Variants in NLE1 observed in about 807,000 individuals in gnomAD.
NLE1 encodes the protein notchless homolog 1.
In NLE1, 37 loss-of-function variants were observed where a neutral mutation model predicts 62.8. That is an observed-to-expected ratio of 0.59 (90% CI 0.45 to 0.78). NLE1 has a LOEUF of 0.78. Ranked by LOEUF, NLE1 falls within the 30% of genes least tolerant of loss-of-function variation. NLE1 has a pLI of 0.00. For synonymous variants in NLE1, 243 were observed against 253.0 expected, an observed-to-expected ratio of 0.96 and a Z score of 0.37; for missense variants, 555 against 637.9, an observed-to-expected ratio of 0.87 and a Z score of 1.40.
chr17:35,137,721 CA>C, intron 5 of NLE1, 81 bp from the exon 6 acceptor site: 4 of 1,282,350 alleles, frequency 3.1e-6, no homozygotes, highest in Non-Finnish European at 4.5e-6. Context: ...ACTTCCCACC[CA>C]ACCCTCCCCA....
chr17:35,135,216 C>G, intron 10 of NLE1, 33 bp downstream of exon 10: 2 of 1,600,614 alleles, frequency 1.2e-6, no homozygotes, highest in Non-Finnish European at 1.7e-6. Flanking sequence ...ACCATTCACT[C>G]CTTACAGAGA....
intron 6 of NLE1, 134 bp downstream of exon 6, chr17:35,137,409 T>C (rs2142506325): frequency 2.4e-6 from 2 of 846,940 alleles, no homozygotes; most frequent in Non-Finnish European, 3.7e-6. Flanking sequence ...CCTTCTCCCA[T>C]GCCTGCCAAG....
At chr17:35,142,158 G>T in intron 1 of NLE1, 36 bp from the exon 2 acceptor site, 1 of 1,606,368 alleles carries the variant, frequency 6.2e-7, no homozygotes. Context: ...CAGTCTGGTC[G>T]CCCGCCCAGA....
intron 12 of NLE1, 138 bp downstream of exon 12, chr17:35,133,033 G>T: frequency 1.2e-6 from 1 of 819,764 alleles, no homozygotes; most frequent in Non-Finnish European, 2.0e-6. Context: ...CTGAGAATCT[G>T]GCTCCACACG....
At chr17:35,137,510 C>T (rs2091916298) in intron 6 of NLE1, 33 bp downstream of exon 6, 2 of 1,552,832 alleles carry the variant, frequency 1.3e-6, no homozygotes, top group African/African-American at 1.3e-5. Flanking sequence ...GATCCCCTGG[C>T]TCATTTGTCC....
In NLE1 at chr17:35,130,242, C is replaced by G. The variant is rs776798336; in HGVS notation, c.*2195G>C. On this transcript the variant is annotated 3_prime_UTR_variant, in exon 13 of 13. Coordinates refer to ENST00000442241, the MANE Select transcript of NLE1 (RefSeq NM_018096.5). ...GACAGAGAGAGAGCCAGGTTCAGAT[C>G]TGGGAAGGAACTCTGAAGGGTTTTC... is the stretch of plus-strand genomic sequence containing the variant. 1 of 1,603,380 alleles carries G rather than the reference C, an allele frequency of 6.2e-7. No individual in the cohort carries two copies. Among genetic ancestry groups the G allele is most frequent in the Non-Finnish European group, 8.5e-7 (1 of 1,173,938 alleles).
intron 9 of NLE1, among the ~76,000 whole-genome samples, chr17:35,135,654 CT>C (rs2142503748): frequency 6.6e-6 from 1 of 152,246 alleles, no homozygotes; most frequent in Non-Finnish European, 1.5e-5. Context: ...AAAAGAAACT[CT>C]ACATGCATGT....
At position 35,130,219 on chromosome 17, in the gene NLE1, CAG is replaced by C. The variant is rs994347819; in HGVS notation, c.*2216_*2217del. 10 of 1,579,276 alleles carry C rather than the reference CAG, an allele frequency of 6.3e-6. No individual in the cohort carries two copies. The highest frequency in any genetic ancestry group is 2.2e-5 in the East Asian group (1 of 44,512). On this transcript the variant is annotated 3_prime_UTR_variant, in exon 13 of 13. Transcript: ENST00000442241. ...ACAGAAAAAAAAGGGGTGATAGAGA[CAG>C]AGAGAGAGCCAGGTTCAGATCTGGG...
At position 35,131,980 on chromosome 17, in the gene NLE1, G is replaced by A. The variant is rs2091878630; in HGVS notation, c.*457C>T. The A allele has an allele frequency of 6.5e-6, 1 of 152,994 alleles. No individual in the cohort carries two copies. Among genetic ancestry groups the A allele is most frequent in the Non-Finnish European group, 1.5e-5 (1 of 68,576 alleles). The allele number at this position is 152,994 out of a possible 1,614,324, so 9.5% of individuals were successfully genotyped here. A position where few individuals can be genotyped will look rare whatever the true frequency, so the allele number is the denominator to read the frequency against. On this transcript the variant is annotated 3_prime_UTR_variant, in exon 13 of 13. Transcript: ENST00000442241. ...GTGGTTTTGGCGTAGTCCAGTGCAA[G>A]GGCGGGGGCTGGACAATCTCATTTA...
rs974802333 is a variant in NLE1, at chr17:35,132,467, G to C, written c.1446-18C>G. On this transcript the variant is annotated intron_variant, in intron 12 of 12. Coordinates refer to ENST00000442241, the MANE Select transcript of NLE1 (RefSeq NM_018096.5). ...TCCTCCATCTGTGGAGAAGGGAAGGGTGTCAGGATGGGGATTCCACCTTAG... is the reference window on the plus strand; with the variant it reads ...TCCTCCATCTGTGGAGAAGGGAAGGCTGTCAGGATGGGGATTCCACCTTAG... 7.2e-7 allele frequency: 1 copy of C among 1,387,388 alleles called. No homozygotes were observed. Among genetic ancestry groups the C allele is most frequent in the Non-Finnish European group, 9.4e-7 (1 of 1,064,452 alleles). 85.9% of individuals were successfully genotyped at this position (1,387,388 alleles called of 1,614,324 possible). A position where few individuals can be genotyped will look rare whatever the true frequency, so the allele number is the denominator to read the frequency against.
chr17:35,133,434 G>A lies in NLE1; in HGVS notation c.1279C>T (p.Arg427Trp), dbSNP rs754100854. The A allele has an allele frequency of 1.4e-5, 23 of 1,613,942 alleles. No homozygotes were observed. In the East Asian group the frequency reaches 1.6e-4, roughly 11 times the overall value. Residue 427 changes from arginine to tryptophan, a missense_variant, in exon 11 of 13, where the codon CGG (arginine) becomes TGG (tryptophan). Coordinates refer to ENST00000442241, the MANE Select transcript of NLE1 (RefSeq NM_018096.5). ...VYQIAWSADS[R>W]LLVSGSSDST... ...TCACTGCTGCCGCTGACCAGGAGCC[G>A]ACTGTCAGCTGACCACGCAATCTGG...
chr17:35,133,781 C>G (rs541223746), intron 10 of NLE1, among the ~76,000 whole-genome samples: 3 of 152,282 alleles, frequency 2.0e-5, no homozygotes, highest in South Asian at 4.1e-4. Flanking sequence ...TCCAACGTGG[C>G]CATCTGCTTA....
At chr17:35,138,767 C>T (rs996186004) in intron 4 of NLE1, among the ~76,000 whole-genome samples, 6 of 152,120 alleles carry the variant, frequency 3.9e-5, no homozygotes, top group Admixed American at 3.9e-4. Context: ...TTAACAAGCC[C>T]CTGAGGCGGG....
Position 35,137,564 on chromosome 17 carries a change from A to T in NLE1, c.614T>A (p.Leu205Gln). ...LAGHSKWITG[L>Q]SWEPLHANPE... ...TTACGCATGGAGGGGCTCCCAGCTC[A>T]GGCCTGTGATCCACTTGCTGTGGCC... Residue 205 changes from leucine (L) to glutamine (Q), a missense_variant, in exon 6 of 13, where the codon CTG becomes CAG. Coordinates refer to ENST00000442241, the MANE Select transcript of NLE1 (RefSeq NM_018096.5). 6.2e-7 allele frequency: 1 copy of T among 1,609,930 alleles called. No homozygotes were observed. The highest frequency in any genetic ancestry group is 2.2e-5 in the East Asian group (1 of 44,878).
chr17:35,140,022 G>A lies in NLE1; in HGVS notation c.207C>T (p.Ile69=), dbSNP rs775982751. 8.1e-6 allele frequency: 13 copies of A among 1,613,942 alleles called. No individual in the cohort carries two copies. The highest frequency in any genetic ancestry group is 3.3e-5 in the Admixed American group (2 of 60,012). ...PLAFFVHDAE[I]VSSLGKTLES... is the part of the protein sequence containing the mutation. Reference sequence around the variant, plus strand: ...CCAACGTCTTCCCCAGTGAGGAGACGATCTCAGCATCGTGGACAAAGAAAG... The same window carrying A: ...CCAACGTCTTCCCCAGTGAGGAGACAATCTCAGCATCGTGGACAAAGAAAG... Residue 69 remains isoleucine, a synonymous_variant, in exon 3 of 13, where the codon ATC becomes ATT. Transcript: ENST00000442241.
chr17:35,139,971 C>G lies in NLE1; in HGVS notation c.258G>C (p.Lys86Asn), dbSNP rs1327022719. 6.2e-7 allele frequency: 1 copy of G among 1,614,176 alleles called. No homozygotes were observed. The highest frequency in any genetic ancestry group is 8.5e-7 in the Non-Finnish European group (1 of 1,180,048). The change falls in exon 3 of 13, where the codon AAG becomes AAC. Residue 86 changes from lysine (K) to asparagine (N), a missense_variant. Lys to Asn is a moderately conservative substitution (Grantham distance 94). Coordinates refer to ENST00000442241, the MANE Select transcript of NLE1 (RefSeq NM_018096.5). ...GTGGCTGGTAGATGATGTCTAGGAC[C>G]TTCTCTGTCTCCACTGCCTGGGACT... ...TLESQAVETE[K>N]VLDIIYQPQA... is the part of the protein sequence containing the mutation.
Position 35,129,658 on chromosome 17 carries a change from A to G in NLE1, c.*2779T>C, listed in dbSNP as rs1384721522. On this transcript the variant is annotated 3_prime_UTR_variant, in exon 13 of 13. Transcript: ENST00000442241. ...TGGGGAAGTGGTGCAAGCCCTACAA[A>G]GTGAGCCCTGGGAAAAGAGGGGCCT... 1.2e-6 allele frequency: 2 copies of G among 1,613,414 alleles called. No individual in the cohort carries two copies. Among genetic ancestry groups the G allele is most frequent in the South Asian group, 1.1e-5 (1 of 91,002 alleles).
chr17:35,133,979 C>T (rs2091892987), intron 10 of NLE1, among the ~76,000 whole-genome samples: 1 of 152,208 alleles, frequency 6.6e-6, no homozygotes, highest in Non-Finnish European at 1.5e-5. Flanking sequence ...TAAAGGGTTG[C>T]TGTGTGAAAA....
Position 35,130,171 on chromosome 17 carries a change from C to T in NLE1, c.*2266G>A. ...GCGTCAATGGCTAGGTTGGATAAGGCTGTTTAAGGTCTGAGTCAGCAGACA... is the reference window on the plus strand; with the variant it reads ...GCGTCAATGGCTAGGTTGGATAAGGTTGTTTAAGGTCTGAGTCAGCAGACA... On this transcript the variant is annotated 3_prime_UTR_variant, in exon 13 of 13. Transcript: ENST00000442241. 6.7e-7 allele frequency: 1 copy of T among 1,488,200 alleles called. No homozygotes were observed. Among genetic ancestry groups the T allele is most frequent in the Middle Eastern group, 1.8e-4 (1 of 5,574 alleles). The allele number at this position is 1,488,200 out of a possible 1,614,324, so 92.2% of individuals were successfully genotyped here.
Sources: gnomAD v4.1 joint callset for allele counts (sites outside exome capture counted in the v4.1 genomes callset) on GRCh38, gnomAD v4.1.1 for gene constraint, MANE v1.5 for transcripts, NCBI Gene and HGNC (gene_info 2026-07-23, HGNC 2026-07-21) for gene names.